Variants in SLC19A1 observed in about 807,000 individuals in gnomAD.
SLC19A1 encodes solute carrier family 19 member 1.
A neutral mutation model predicts 35.3 loss-of-function variants in SLC19A1; 37 were observed. The observed-to-expected ratio is 1.05, with a 90% confidence interval of 0.81 to 1.38. The LOEUF (loss-of-function observed/expected upper bound fraction) is 1.38, where lower values mean the gene tolerates loss of function less well. Ranked by LOEUF, SLC19A1 falls within the 40% of genes most tolerant of loss-of-function variation. The pLI, the probability that SLC19A1 is intolerant of heterozygous loss-of-function variation, is 0.00. For synonymous variants in SLC19A1, 460 were observed against 398.5 expected (o/e 1.15, Z -1.84); for missense variants, 831 against 826.9 (o/e 1.00, Z -0.06).
Position 45,512,698 on chromosome 21 carries a change from G to C in SLC19A1, c.*2960C>G. On this transcript the variant is annotated 3_prime_UTR_variant, in exon 6 of 6. Transcript: ENST00000311124. ...CCTGTGCAACCTCTTGGCCTGATCAGACCACGGCTCGATTTCTCCAGGATT... is the reference window on the plus strand; with the variant it reads ...CCTGTGCAACCTCTTGGCCTGATCACACCACGGCTCGATTTCTCCAGGATT... 1 of 475,788 alleles carries C rather than the reference G, an allele frequency of 2.1e-6. No individual in the cohort carries two copies. The highest frequency in any genetic ancestry group is 2.2e-5 in the South Asian group (1 of 45,518). The allele number at this position is 475,788 out of a possible 1,614,324, so 29.5% of individuals were successfully genotyped here. A position where few individuals can be genotyped will look rare whatever the true frequency, so the allele number is the denominator to read the frequency against.
intron 1 of SLC19A1, among the ~76,000 whole-genome samples, chr21:45,555,996 T>C (rs1478826429): frequency 2.0e-5 from 3 of 151,694 alleles, no homozygotes; most frequent in Non-Finnish European, 4.4e-5. Flanking sequence ...TCCTCTGAGG[T>C]TTCCAGGAAG....
chr21:45,527,855 AT>A (rs1468530909), intron 4 of SLC19A1, among the ~76,000 whole-genome samples: 1 of 151,944 alleles, frequency 6.6e-6, no homozygotes, highest in Admixed American at 6.5e-5. Flanking sequence ...CATTCCTGAC[AT>A]GGAGAGGTGA....
At chr21:45,502,899 C>T (rs1013141451) in intron 3 of SLC19A1, 1 of 152,200 alleles carries the variant, frequency 6.6e-6, no homozygotes, top group African/African-American at 2.4e-5. Context: ...CAGGTGAACT[C>T]TCAGGATGAG....
intron 2 of SLC19A1, among the ~76,000 whole-genome samples, 182 bp from the exon 3 acceptor site, chr21:45,532,330 C>G (rs1314074551): frequency 6.6e-6 from 1 of 152,264 alleles, no homozygotes; most frequent in Non-Finnish European, 1.5e-5. Flanking sequence ...ACAGGGACCT[C>G]TGGCTCCCGA....
intron 3 of SLC19A1, chr21:45,504,397 C>T: frequency 6.2e-7 from 1 of 1,609,040 alleles, no homozygotes; most frequent in South Asian, 1.1e-5. Flanking sequence ...TCCCGTGTAA[C>T]AAGTGTTTCC....
chr21:45,559,712 C>T (rs914883738), intron 1 of SLC19A1, among the ~76,000 whole-genome samples: 6 of 152,170 alleles, frequency 3.9e-5, no homozygotes, highest in Non-Finnish European at 7.4e-5. Flanking sequence ...CATCAGCACA[C>T]GCAGAGCTTC....
Position 45,515,689 on chromosome 21 carries a change from G to A in SLC19A1, c.1745C>T (p.Pro582Leu), listed in dbSNP as rs574040108. 1.2e-6 allele frequency: 2 copies of A among 1,613,712 alleles called. No individual in the cohort carries two copies. Among genetic ancestry groups the A allele is most frequent in the African/African-American group, 2.7e-5 (2 of 75,054 alleles). Reference protein sequence around the residue: ...GVSKLGLQCLPSDGVQNVNQ With the variant: ...GVSKLGLQCLLSDGVQNVNQ ...GTTCACATTCTGAACACCGTCGCTT[G>A]GAAGACACTGCAAACCCAGCTTGCT... Residue 582 changes from proline (P) to leucine (L), a missense_variant, in exon 6 of 6, where the codon CCA (proline) becomes CTA (leucine). By Grantham distance (98) the Pro-to-Leu change is moderately conservative. Coordinates refer to ENST00000311124, the MANE Select transcript of SLC19A1 (RefSeq NM_194255.4).
chr21:45,512,240 G>C (rs370953127), downstream of SLC19A1: 10 of 1,612,448 alleles, frequency 6.2e-6, no homozygotes, highest in Non-Finnish European at 8.5e-6. Flanking sequence ...CAGGCTGACC[G>C]AGAGCTACTG....
intron 4 of SLC19A1, among the ~76,000 whole-genome samples, chr21:45,529,315 C>T (rs1454925181): frequency 6.6e-6 from 1 of 152,194 alleles, no homozygotes; most frequent in African/African-American, 2.4e-5. Context: ...GGGCCCAATG[C>T]AAGGGTCAGG....
Position 45,521,356 on chromosome 21 carries a change from C to T in SLC19A1, c.1293+4461G>A, listed in dbSNP as rs140751571. Among the ~76,000 whole-genome samples, 359 of 152,274 alleles carry T rather than the reference C, an allele frequency of 2.4e-3. 3 individuals carry two copies. The highest frequency in any genetic ancestry group is 8.1e-3 in the African/African-American group (337 of 41,536). ...CTCATATGCTGAAAACTACAAAATG[C>T]TGAAAGAAATCAAAGATCTAAATAA... is the stretch of plus-strand genomic sequence containing the variant. On this transcript the variant is annotated intron_variant, in intron 5 of 5. Coordinates refer to ENST00000311124, the MANE Select transcript of SLC19A1 (RefSeq NM_194255.4).
intron 2 of SLC19A1, among the ~76,000 whole-genome samples, chr21:45,532,378 C>G (rs1190906861): frequency 6.6e-6 from 1 of 152,252 alleles, no homozygotes; most frequent in African/African-American, 2.4e-5. Context: ...CTGCGGAAAG[C>G]TGGCAGTGGC....
intron 3 of SLC19A1, chr21:45,504,372 G>A (rs756858761): frequency 2.5e-6 from 4 of 1,591,412 alleles, no homozygotes; most frequent in Non-Finnish European, 3.4e-6. Flanking sequence ...CCTGTGGCTT[G>A]TAGGGGTTCA....
intron 1 of SLC19A1, among the ~76,000 whole-genome samples, chr21:45,539,866 T>TC (rs2078249016): frequency 6.6e-6 from 1 of 152,092 alleles, no homozygotes; most frequent in Non-Finnish European, 1.5e-5. Flanking sequence ...TAGGGGAACC[T>TC]CGAGGTTTCC....
intron 5 of SLC19A1, among the ~76,000 whole-genome samples, chr21:45,521,803 C>G (rs375509143): frequency 6.6e-6 from 1 of 152,012 alleles, no homozygotes; most frequent in Non-Finnish European, 1.5e-5. Flanking sequence ...TAAATGGATA[C>G]GCACAGGCCA....
intron 5 of SLC19A1, 76 bp from the exon 6 acceptor site, chr21:45,516,216 T>C: frequency 8.5e-7 from 1 of 1,176,630 alleles, no homozygotes; most frequent in Non-Finnish European, 1.2e-6. Flanking sequence ...CGACGCCTGC[T>C]CCCAGGCTCA....
Position 45,514,683 on chromosome 21 carries a change from A to G in SLC19A1, c.*975T>C, listed in dbSNP as rs1274136769. 5 of 279,548 alleles carry G rather than the reference A, an allele frequency of 1.8e-5. No individual in the cohort carries two copies. The allele number at this position is 279,548 out of a possible 1,614,324, so 17.3% of individuals were successfully genotyped here. On this transcript the variant is annotated 3_prime_UTR_variant, in exon 6 of 6. Coordinates refer to ENST00000311124, the MANE Select transcript of SLC19A1 (RefSeq NM_194255.4). Reference sequence around the variant, plus strand: ...ACTGCTGACCCTCAACCCCCAGGCCAGGCCGGCCCTGAATCAGAAGCCCTG... The same window carrying G: ...ACTGCTGACCCTCAACCCCCAGGCCGGGCCGGCCCTGAATCAGAAGCCCTG...
rs759645172 is a variant in SLC19A1, at chr21:45,531,548, G to A, written c.790C>T (p.Arg264Trp). 13 of 1,612,260 alleles carry A rather than the reference G, an allele frequency of 8.1e-6. No homozygotes were observed. In the Admixed American group the frequency reaches 8.3e-5, roughly 10 times the overall value. Residue 264 changes from arginine to tryptophan, a missense_variant, in exon 3 of 6, where the codon CGG becomes TGG. Arg to Trp is a moderately radical substitution (Grantham distance 101). Transcript: ENST00000311124. ...MLRELGDSLR[R>W]PQLRLWSLWW... ...AGGGACCACAGGCGCAGCTGCGGCCGCCGCAGGCTGTCCCCCAGCTCCCGC... is the reference window on the plus strand; with the variant it reads ...AGGGACCACAGGCGCAGCTGCGGCCACCGCAGGCTGTCCCCCAGCTCCCGC...
rs1332426561 is a variant in SLC19A1 at position 45,532,091 on chromosome 21, C to G, written c.247G>C (p.Val83Leu). 2.5e-6 allele frequency: 4 copies of G among 1,611,844 alleles called. No individual in the cohort carries two copies. Among genetic ancestry groups the G allele is most frequent in the African/African-American group, 1.3e-5 (1 of 74,890 alleles). Residue 83 changes from valine to leucine, a missense_variant, in exon 3 of 6, where the codon GTG becomes CTG. Coordinates refer to ENST00000311124, the MANE Select transcript of SLC19A1 (RefSeq NM_194255.4). Reference sequence around the variant, plus strand: ...CGCAGGTAGTCGGTGAGCAGGAACACGGGCACCAGCACGGCCAGGTAGGAG... The same window carrying G: ...CGCAGGTAGTCGGTGAGCAGGAACAGGGGCACCAGCACGGCCAGGTAGGAG... ...SYSYLAVLVP[V>L]FLLTDYLRYT... is the part of the protein sequence containing the mutation.
chr21:45,503,642 G>T (rs1486958433), intron 3 of SLC19A1, among the ~76,000 whole-genome samples: 3 of 118,514 alleles, frequency 2.5e-5, no homozygotes, highest in South Asian at 7.3e-4. Flanking sequence ...GTTGTGGGGT[G>T]GGGGGAGGGG....
Sources: allele counts gnomAD v4.1 joint callset (sites outside exome capture counted in the v4.1 genomes callset), GRCh38; gene constraint gnomAD v4.1.1; transcripts MANE v1.5; gene names NCBI Gene and HGNC (gene_info 2026-07-23, HGNC 2026-07-21).